The following ASTN2 variants were observed in gnomAD, a reference collection of about 807,000 sequenced individuals.
The protein encoded by ASTN2 is astrotactin-2.
A neutral mutation model predicts 139.8 loss-of-function variants in ASTN2; 54 were observed. That is an observed-to-expected ratio of 0.39 (90% CI 0.31 to 0.48). The LOEUF (loss-of-function observed/expected upper bound fraction) is 0.48, where lower values mean the gene tolerates loss of function less well. ASTN2 is among the 20% of genes least tolerant of loss of function. The probability of loss-of-function intolerance (pLI) is 0.95; values close to 1 mark genes in which losing one functional copy is unlikely to be tolerated. For missense variants in ASTN2, 1,565 were observed against 1,725.1 expected (o/e 0.91, Z 1.64); for synonymous variants, 756 against 719.5 (o/e 1.05, Z -0.81).
intron 11 of ASTN2, among the ~76,000 whole-genome samples, chr9:116,846,049 G>T (rs1408788584): frequency 6.6e-6 from 1 of 152,136 alleles, no homozygotes; most frequent in East Asian, 1.9e-4. Context: ...TCTGACACAC[G>T]CTGCAGCATG....
At chr9:116,932,609 G>A (rs1834933477) in intron 10 of ASTN2, among the ~76,000 whole-genome samples, 1 of 152,074 alleles carries the variant, frequency 6.6e-6, no homozygotes, top group Non-Finnish European at 1.5e-5. Flanking sequence ...CCCCATGAGA[G>A]CTAGACATCA....
intron 17 of ASTN2, 46 bp from the exon 18 acceptor site, chr9:116,620,489 A>T: frequency 6.2e-7 from 1 of 1,611,094 alleles, no homozygotes; most frequent in South Asian, 1.1e-5. Flanking sequence ...ACAACAGGGG[A>T]GAGATTGAGA....
intron 3 of ASTN2, chr9:117,180,798 G>A: frequency 6.5e-7 from 1 of 1,543,218 alleles, no homozygotes; most frequent in Non-Finnish European, 8.9e-7. Context: ...CAGCCACCAT[G>A]TCTTCAAATT....
At chr9:117,120,550 G>A (rs1413145698) in intron 4 of ASTN2, among the ~76,000 whole-genome samples, 1 of 152,160 alleles carries the variant, frequency 6.6e-6, no homozygotes, top group East Asian at 1.9e-4. Flanking sequence ...CATACTTAGA[G>A]TCGGGGACCA....
chr9:116,929,082 G>C (rs1241028444), intron 10 of ASTN2, among the ~76,000 whole-genome samples: 1 of 152,216 alleles, frequency 6.6e-6, no homozygotes, highest in Non-Finnish European at 1.5e-5. Flanking sequence ...CAGGTAAAGA[G>C]GAAGTGGCAG....
At chr9:116,933,380 A>G (rs1405737335) in intron 10 of ASTN2, among the ~76,000 whole-genome samples, 1 of 152,138 alleles carries the variant, frequency 6.6e-6, no homozygotes. Context: ...CCTCTAGTCT[A>G]CTTCAAGCAG....
intron 19 of ASTN2, among the ~76,000 whole-genome samples, chr9:116,521,804 C>G (rs978325996): frequency 2.0e-4 from 14 of 68,796 alleles, no homozygotes; most frequent in Non-Finnish European, 3.3e-4. Flanking sequence ...GACTAATCAG[C>G]AAGAAAAACA....
chr9:116,793,981 G>T (rs1467299283), intron 13 of ASTN2, among the ~76,000 whole-genome samples: 1 of 151,990 alleles, frequency 6.6e-6, no homozygotes, highest in Non-Finnish European at 1.5e-5. Flanking sequence ...CAATTTTTTG[G>T]CTTCCCTGGG....
intron 1 of ASTN2, among the ~76,000 whole-genome samples, chr9:117,338,509 G>C (rs1828963139): frequency 6.6e-6 from 1 of 152,056 alleles, no homozygotes; most frequent in African/African-American, 2.4e-5. Context: ...GCACACATAA[G>C]AAAAGGTCCT....
chr9:116,465,294 T>A (rs569476614), intron 20 of ASTN2, among the ~76,000 whole-genome samples: 1 of 152,224 alleles, frequency 6.6e-6, no homozygotes, highest in East Asian at 1.9e-4. Flanking sequence ...CTTTGCCCCA[T>A]GAAGATAAGC....
At chr9:117,250,949 G>A (rs1005191370) in intron 2 of ASTN2, among the ~76,000 whole-genome samples, 1 of 152,228 alleles carries the variant, frequency 6.6e-6, no homozygotes, top group African/African-American at 2.4e-5. Flanking sequence ...TCACCCAGAA[G>A]AAGGGAAGAG....
At chr9:116,917,617 C>A (rs1834486980) in intron 10 of ASTN2, among the ~76,000 whole-genome samples, 1 of 152,222 alleles carries the variant, frequency 6.6e-6, no homozygotes, top group South Asian at 2.1e-4. Flanking sequence ...ACATAAGAAT[C>A]TGCAACTTGC....
chr9:116,847,308 G>T (rs536625019), intron 11 of ASTN2, among the ~76,000 whole-genome samples: 2 of 152,068 alleles, frequency 1.3e-5, no homozygotes, highest in Non-Finnish European at 2.9e-5. Flanking sequence ...TAGAGACGGC[G>T]TTTCACTATG....
At chr9:116,478,253 GGGAA>G (rs770411627) in intron 20 of ASTN2, among the ~76,000 whole-genome samples, 101 of 128,664 alleles carry the variant, frequency 7.8e-4, no homozygotes, top group African/African-American at 1.4e-3. Context: ...GAGGGAGGGA[GGGAA>G]GGAAGGAAGG....
At chr9:116,842,250 A>C (rs889183431) in intron 11 of ASTN2, among the ~76,000 whole-genome samples, 3 of 152,232 alleles carry the variant, frequency 2.0e-5, no homozygotes, top group African/African-American at 7.2e-5. Flanking sequence ...AGATAGGGAA[A>C]GATGCAAGGA....
chr9:116,878,469 A>G (rs1428439056), intron 10 of ASTN2, among the ~76,000 whole-genome samples: 3 of 152,208 alleles, frequency 2.0e-5, no homozygotes, highest in East Asian at 3.9e-4. Context: ...CAAACACTGC[A>G]TGTTCTCACT....
chr9:117,374,782 C>A (rs1422586927), intron 1 of ASTN2, among the ~76,000 whole-genome samples: 1 of 152,150 alleles, frequency 6.6e-6, no homozygotes, highest in Non-Finnish European at 1.5e-5. Context: ...GGGCTAGTTT[C>A]TCACCAGGAG....
In ASTN2 at chr9:117,387,328, T is replaced by C. The variant is rs147654592; in HGVS notation, c.442+27169A>G. 4.9e-3 allele frequency among the ~76,000 whole-genome samples: 741 copies of C among 152,274 alleles called. 10 individuals are homozygous for C. Among genetic ancestry groups the C allele is most frequent in the African/African-American group, 0.017 (716 of 41,530 alleles). ...TCAATGAGTTTTCAGTGAGTGAATG[T>C]AGAAAAGACAAACATCAAATAGAAA... On this transcript the variant is annotated intron_variant, in intron 1 of 22. Coordinates refer to ENST00000313400, the MANE Select transcript of ASTN2 (RefSeq NM_001365068.1).
intron 16 of ASTN2, among the ~76,000 whole-genome samples, chr9:116,679,634 T>C (rs1363030912): frequency 6.6e-6 from 1 of 151,944 alleles, no homozygotes; most frequent in Non-Finnish European, 1.5e-5. Context: ...GAAGTAAAAC[T>C]CTCCTCAGCA....
Sources: gnomAD v4.1 joint callset for allele counts (sites outside exome capture counted in the v4.1 genomes callset) on GRCh38, gnomAD v4.1.1 for gene constraint, MANE v1.5 for transcripts, NCBI Gene and HGNC (gene_info 2026-07-23, HGNC 2026-07-21) for gene names.